Variants in DPP6 observed in about 807,000 individuals in gnomAD.
DPP6 encodes the protein A-type potassium channel modulatory protein DPP6.
Under a neutral mutation model 122.6 loss-of-function variants are expected in DPP6, and 69 were observed. The ratio of observed to expected loss-of-function variants is 0.56; its 90% CI spans 0.46 to 0.69. DPP6 has a LOEUF of 0.69. Among genes scored for constraint, DPP6 ranks in the 30% least tolerant of loss-of-function variants. The pLI is 0.00. For missense variants in DPP6, 928 were observed against 1,116.9 expected (o/e 0.83, Z 2.41); for synonymous variants, 418 against 433.1 (o/e 0.97, Z 0.43).
At chr7:154,596,523 T>C (rs1305762988) in intron 5 of DPP6, among the ~76,000 whole-genome samples, 1 of 152,008 alleles carries the variant, frequency 6.6e-6, no homozygotes, top group East Asian at 1.9e-4. Flanking sequence ...GTTAAGACAA[T>C]GGATAGCAAG....
intron 4 of DPP6, among the ~76,000 whole-genome samples, chr7:154,555,480 G>A (rs376385551): frequency 6.6e-6 from 1 of 152,044 alleles, no homozygotes; most frequent in South Asian, 2.1e-4. Context: ...GTGGGGGAAG[G>A]GGGGACGGAT....
chr7:154,783,494 G>T (rs149112506), intron 10 of DPP6, among the ~76,000 whole-genome samples: 1 of 152,126 alleles, frequency 6.6e-6, no homozygotes, highest in Non-Finnish European at 1.5e-5. Flanking sequence ...ATTGCGGCTC[G>T]CTGAGCAGTG....
At chr7:154,079,321 T>C (rs1480072473) in intron 1 of DPP6, among the ~76,000 whole-genome samples, 1 of 150,312 alleles carries the variant, frequency 6.7e-6, no homozygotes, top group East Asian at 1.9e-4. Flanking sequence ...GGGCACCTGT[T>C]ACCTGTTCAG....
Position 154,755,601 on chromosome 7 carries a change from G to A in DPP6, c.884-13816G>A, listed in dbSNP as rs963006188. Reference sequence around the variant, plus strand: ...TTAGAGCCGGCTTGGCGTGTGCTGGGTGCTCACCGACTGCTGGGTGTGGCC... The same window carrying A: ...TTAGAGCCGGCTTGGCGTGTGCTGGATGCTCACCGACTGCTGGGTGTGGCC... On this transcript the variant is annotated intron_variant, in intron 8 of 25. Coordinates refer to ENST00000377770, the MANE Select transcript of DPP6 (RefSeq NM_130797.4). This position sits in a 1 kb window ranked among gnomAD's most constrained non-coding sequence, Gnocchi z 4.7. 6.6e-6 allele frequency among the ~76,000 whole-genome samples: 1 copy of A among 152,136 alleles called. No individual in the cohort carries two copies. The highest frequency in any genetic ancestry group is 2.4e-5 in the African/African-American group (1 of 41,422).
intron 1 of DPP6, among the ~76,000 whole-genome samples, chr7:153,981,940 A>G (rs1442786769): frequency 6.6e-6 from 1 of 151,590 alleles, no homozygotes; most frequent in African/African-American, 2.4e-5. Context: ...TTTCCTTTGT[A>G]GGTAACCTGA....
chr7:153,777,170 C>G, the DPP6 span, among the ~76,000 whole-genome samples: 465 of 152,266 alleles, frequency 3.1e-3, no homozygotes, highest in African/African-American at 0.011. Flanking sequence ...TGCAAAAACT[C>G]CAACCACAAT....
intron 5 of DPP6, among the ~76,000 whole-genome samples, chr7:154,634,116 C>A (rs1479816771): frequency 1.3e-5 from 2 of 148,688 alleles, no homozygotes; most frequent in African/African-American, 5.0e-5. Context: ...CACCCATTAA[C>A]TTGTCATTTA....
intron 1 of DPP6, among the ~76,000 whole-genome samples, chr7:154,440,916 G>A (rs899876519): frequency 1.3e-5 from 2 of 152,192 alleles, no homozygotes; most frequent in African/African-American, 4.8e-5. Context: ...TTCTCCTGCA[G>A]GGGTGTGTCT....
chr7:154,751,267 A>C (rs1396212877), intron 8 of DPP6, among the ~76,000 whole-genome samples: 2 of 152,088 alleles, frequency 1.3e-5, no homozygotes, highest in Non-Finnish European at 2.9e-5. Context: ...TCACCTACTA[A>C]GCCCAAAGAT....
At chr7:153,768,769 T>G in the DPP6 span, among the ~76,000 whole-genome samples, 2 of 152,216 alleles carry the variant, frequency 1.3e-5, no homozygotes, top group East Asian at 3.9e-4. Context: ...TGCAGTGTAT[T>G]TACCACCTAT....
intron 7 of DPP6, among the ~76,000 whole-genome samples, chr7:154,689,977 G>A (rs1839845644): frequency 6.6e-6 from 1 of 152,154 alleles, no homozygotes; most frequent in South Asian, 2.1e-4. Context: ...TGCTTGGCAG[G>A]AATACATCTT....
chr7:153,884,285 T>A (rs568102519), upstream of DPP6, among the ~76,000 whole-genome samples: 39 of 152,310 alleles, frequency 2.6e-4, no homozygotes, highest in Non-Finnish European at 4.4e-4. Flanking sequence ...CTCGCAATAG[T>A]TTGCTGAGAA....
chr7:154,183,771 C>T (rs1322422468), intron 1 of DPP6, among the ~76,000 whole-genome samples: 1 of 152,204 alleles, frequency 6.6e-6, no homozygotes. Context: ...GCCTGCCTGG[C>T]TCACACTTTC....
rs562003585 is a variant in DPP6, at chr7:153,909,938, C to T, written c.51+22204C>T. Among the ~76,000 whole-genome samples, 14 of 152,258 alleles carry T rather than the reference C, an allele frequency of 9.2e-5. No homozygotes were observed. The South Asian group carries it at 2.9e-3, about 32-fold the overall frequency. The stretch of plus-strand genomic sequence containing the variant: ...TTGTCTCAGGCTGTCTTCTGTCCTG[C>T]TAAGGGGCCATTCACCCGCCCTAGA... On this transcript the variant is annotated intron_variant, in intron 1 of 25. Transcript: ENST00000404039.
intron 16 of DPP6, among the ~76,000 whole-genome samples, chr7:154,810,473 T>G (rs1798981661): frequency 6.6e-6 from 1 of 152,198 alleles, no homozygotes; most frequent in South Asian, 2.1e-4. Context: ...GTGGCTCCTG[T>G]GCGGATTTCT....
At position 154,747,271 on chromosome 7, in the gene DPP6, A is replaced by T. The variant is rs184872007; in HGVS notation, c.883+19384A>T. 3.9e-5 allele frequency among the ~76,000 whole-genome samples: 6 copies of T among 152,332 alleles called. No homozygotes were observed. The East Asian group carries it at 1.2e-3, about 29-fold the overall frequency. On this transcript the variant is annotated intron_variant, in intron 8 of 25. Coordinates refer to ENST00000377770, the MANE Select transcript of DPP6 (RefSeq NM_130797.4). ...TGCATTCCAATGCTGTCTGCCTTGT[A>T]CTGCTTTACTTCAAAGCTGGATCTA...
chr7:154,447,781 A>T (rs73726891), intron 2 of DPP6, among the ~76,000 whole-genome samples: 1,900 of 152,358 alleles, frequency 0.012, 34 homozygotes, highest in African/African-American at 0.044. Context: ...AAAATCAATC[A>T]ATGTATTATA....
At chr7:153,954,795 A>G (rs10226462) in intron 1 of DPP6, among the ~76,000 whole-genome samples, 4 of 152,192 alleles carry the variant, frequency 2.6e-5, no homozygotes, top group Non-Finnish European at 4.4e-5. Context: ...GGTCTCTCCC[A>G]TGCAATTTTG....
intron 3 of DPP6, among the ~76,000 whole-genome samples, chr7:154,509,437 C>T (rs1825893339): frequency 6.6e-6 from 1 of 152,154 alleles, no homozygotes; most frequent in African/African-American, 2.4e-5. Context: ...AGACACTACT[C>T]CCCTCTTCCT....
Sources: allele counts gnomAD v4.1 joint callset (sites outside exome capture counted in the v4.1 genomes callset), GRCh38; gene constraint gnomAD v4.1.1; non-coding constraint Gnocchi (gnomAD v3.1); transcripts MANE v1.5; gene names NCBI Gene and HGNC (gene_info 2026-07-23, HGNC 2026-07-21).